Variants in RGS20 observed in about 807,000 individuals in gnomAD.
RGS20 encodes regulator of G protein signaling 20, also known as gz-selective GTPase-activating protein.
In RGS20, 30 loss-of-function variants were observed where a neutral mutation model predicts 33.6. The observed-to-expected ratio is 0.89, with a 90% CI of 0.67 to 1.21. The LOEUF is 1.21. Ranked by LOEUF, RGS20 falls within the 50% of genes most tolerant of loss-of-function variation. RGS20 has a pLI of 0.00. For missense variants in RGS20, 472 were observed against 502.4 expected (o/e 0.94, Z 0.58); for synonymous variants, 208 against 197.9 (o/e 1.05, Z -0.43).
rs1812032525 is a variant in RGS20 at position 53,870,254 on chromosome 8, TA to T, written c.166-9003del. On this transcript the variant is annotated intron_variant, in intron 1 of 5. Coordinates refer to ENST00000297313, the MANE Select transcript of RGS20 (RefSeq NM_170587.4). ...CAGAGATAGTCTATGTATACACAGA[TA>T]TGTGTGTACACACACACACACACAC... 2.0e-5 allele frequency among the ~76,000 whole-genome samples: 3 copies of T among 152,200 alleles called. No individual in the cohort carries two copies. The South Asian group carries it at 6.2e-4, about 32-fold the overall frequency.
intron 2 of RGS20, among the ~76,000 whole-genome samples, chr8:53,898,362 T>A (rs1334888520): frequency 6.6e-6 from 1 of 151,810 alleles, no homozygotes; most frequent in African/African-American, 2.4e-5. Flanking sequence ...ACAGAAGGAG[T>A]GTTACCCTTT....
chr8:53,878,341 TAA>T (rs1487847680), intron 1 of RGS20, among the ~76,000 whole-genome samples: 1 of 151,910 alleles, frequency 6.6e-6, no homozygotes, highest in Non-Finnish European at 1.5e-5. Flanking sequence ...ACTCAAAAAA[TAA>T]AGAGACATTC....
chr8:53,910,359 C>G (rs987421061), intron 2 of RGS20, among the ~76,000 whole-genome samples: 2 of 151,886 alleles, frequency 1.3e-5, no homozygotes, highest in African/African-American at 4.8e-5. Flanking sequence ...CATTATCAGT[C>G]AAGAGGGAAA....
chr8:53,863,509 C>T (rs1387975003), intron 1 of RGS20, among the ~76,000 whole-genome samples: 2 of 152,186 alleles, frequency 1.3e-5, no homozygotes, highest in East Asian at 1.9e-4. Context: ...CGAACCAGTG[C>T]GACTTGAGGC....
In RGS20 at chr8:53,919,566, G is replaced by A. The variant is rs527744103; in HGVS notation, c.511-20010G>A. Among the ~76,000 whole-genome samples the A allele has an allele frequency of 9.3e-5, 14 of 150,512 alleles. 1 individual carries two copies. In the South Asian group the frequency reaches 2.1e-3, roughly 23 times the overall value. On this transcript the variant is annotated intron_variant, in intron 2 of 5. Coordinates refer to ENST00000297313, the MANE Select transcript of RGS20 (RefSeq NM_170587.4). Reference sequence around the variant, plus strand: ...TCACCATGTTGATCATGCTGGTCTGGTGTCGTTTGAAGCATAACATTTTTT... The same window carrying A: ...TCACCATGTTGATCATGCTGGTCTGATGTCGTTTGAAGCATAACATTTTTT...
At chr8:53,894,441 C>T (rs1751008912) in intron 2 of RGS20, among the ~76,000 whole-genome samples, 1 of 152,206 alleles carries the variant, frequency 6.6e-6, no homozygotes, top group South Asian at 2.1e-4. Flanking sequence ...ATTCTGTCAG[C>T]TTAGCCCAGA....
At chr8:53,954,381 A>G in intron 5 of RGS20, 71 bp downstream of exon 4, 1 of 1,063,012 alleles carries the variant, frequency 9.4e-7, no homozygotes, top group Non-Finnish European at 1.4e-6. Context: ...TAATTGCCAT[A>G]GGCCGGGCAC....
At chr8:53,938,492 T>C (rs1814197925) in intron 2 of RGS20, among the ~76,000 whole-genome samples, 1 of 152,224 alleles carries the variant, frequency 6.6e-6, no homozygotes, top group Non-Finnish European at 1.5e-5. Context: ...TGTACCTATG[T>C]AACAAACCTT....
At chr8:53,919,215 C>G (rs1381124654) in intron 2 of RGS20, among the ~76,000 whole-genome samples, 2 of 152,198 alleles carry the variant, frequency 1.3e-5, no homozygotes, top group South Asian at 4.1e-4. Flanking sequence ...CAAATCCTTT[C>G]TCCATTTTTA....
chr8:53,951,252 A>C (rs925540867), intron 4 of RGS20, among the ~76,000 whole-genome samples: 1 of 152,214 alleles, frequency 6.6e-6, no homozygotes, highest in South Asian at 2.1e-4. Context: ...TGGGAGACCA[A>C]GGATGGGGGA....
chr8:53,860,451 A>T (rs1482309900), intron 1 of RGS20, among the ~76,000 whole-genome samples: 1 of 152,242 alleles, frequency 6.6e-6, no homozygotes, highest in Non-Finnish European at 1.5e-5. Context: ...ACATTGTCTC[A>T]ACACGTTTTT....
At chr8:53,898,746 T>C (rs1482170962) in intron 2 of RGS20, among the ~76,000 whole-genome samples, 1 of 152,246 alleles carries the variant, frequency 6.6e-6, no homozygotes, top group Non-Finnish European at 1.5e-5. Context: ...GCATTTCTGT[T>C]TTTCCAGATG....
Position 53,958,345 on chromosome 8 carries a change from G to A in RGS20, c.1054G>A (p.Ala352Thr). The A allele has an allele frequency of 6.2e-7, 1 of 1,613,868 alleles. No homozygotes were observed. The highest frequency in any genetic ancestry group is 8.5e-7 in the Non-Finnish European group (1 of 1,179,866). Reference sequence around the variant, plus strand: ...GCCATCCCAACACATATTCGATGATGCTCAACTTCAGATTTACACCCTGAT... The same window carrying A: ...GCCATCCCAACACATATTCGATGATACTCAACTTCAGATTTACACCCTGAT... Residue 352 changes from alanine (A) to threonine (T), a missense_variant, in exon 6 of 6, where the codon GCT (alanine) becomes ACT (threonine). Around this residue, in one of 3 missense-constraint regions of RGS20, gnomAD observed 125 missense variants for 169.5 expected, o/e 0.74. Coordinates refer to ENST00000297313, the MANE Select transcript of RGS20 (RefSeq NM_170587.4).
intron 4 of RGS20, among the ~76,000 whole-genome samples, chr8:53,948,434 CAGTATATATTTACATATGCTATATATGAT>C (rs1261724258): frequency 1.2e-4 from 16 of 136,854 alleles, no homozygotes; most frequent in African/African-American, 3.5e-4. Flanking sequence ...ATATAAGATA[CAGTATATATTTACATATGCTATATATGAT>C]ACAGTATATA....
Position 53,946,761 on chromosome 8 carries a change from GT to G in RGS20, c.743+21del. 18 of 1,606,288 alleles carry G rather than the reference GT, an allele frequency of 1.1e-5. No individual in the cohort carries two copies. The highest frequency in any genetic ancestry group is 4.5e-5 in the East Asian group (2 of 44,590). On this transcript the variant is annotated intron_variant, in intron 4 of 5. Transcript: ENST00000297313. ...CCTGGGAAGAAAGGTGAAATCACAC[GT>G]TTTTTTTACCTCACTAAACTAACAG...
chr8:53,944,004 C>T (rs1360502627), intron 3 of RGS20, among the ~76,000 whole-genome samples: 1 of 151,662 alleles, frequency 6.6e-6, no homozygotes, highest in Non-Finnish European at 1.5e-5. Flanking sequence ...GCTACACACA[C>T]ACACACACAC....
At chr8:53,949,741 G>C (rs1814656830) in intron 4 of RGS20, among the ~76,000 whole-genome samples, 1 of 151,804 alleles carries the variant, frequency 6.6e-6, no homozygotes, top group Admixed American at 6.6e-5. Flanking sequence ...TCAATAAAGG[G>C]AGAGGGAGAA....
intron 1 of RGS20, among the ~76,000 whole-genome samples, chr8:53,878,095 G>T (rs1414026398): frequency 6.6e-6 from 1 of 152,182 alleles, no homozygotes; most frequent in Non-Finnish European, 1.5e-5. Context: ...CACTTTATTC[G>T]CTGCTTCCCG....
intron 1 of RGS20, among the ~76,000 whole-genome samples, chr8:53,861,720 T>A (rs1213287401): frequency 6.6e-6 from 1 of 152,276 alleles, no homozygotes; most frequent in Non-Finnish European, 1.5e-5. Flanking sequence ...CAATTAATTT[T>A]ACAGACAGTT....
Sources: gnomAD v4.1 joint callset for allele counts (sites outside exome capture counted in the v4.1 genomes callset) on GRCh38, gnomAD v4.1.1 for gene constraint, gnomAD v4.1.1 regional missense constraint, MANE v1.5 for transcripts, NCBI Gene and HGNC (gene_info 2026-07-23, HGNC 2026-07-21) for gene names.